Variants in ZFP28 observed in about 807,000 individuals in gnomAD.
The protein encoded by ZFP28 is ZFP28 zinc finger protein.
ZFP28 carries 31 observed loss-of-function variants against 39.5 expected under a neutral mutation model. The ratio of observed to expected loss-of-function variants is 0.79; its 90% CI spans 0.59 to 1.06. The LOEUF (loss-of-function observed/expected upper bound fraction) is 1.06, where lower values mean the gene tolerates loss of function less well. Among genes scored for constraint, ZFP28 ranks in the 50% least tolerant of loss-of-function variants. The pLI, the probability that ZFP28 is intolerant of heterozygous loss-of-function variation, is 0.00. For synonymous variants in ZFP28, 400 were observed against 378.6 expected, an observed-to-expected ratio of 1.06 and a Z score of -0.66; for missense variants, 925 against 1,048.4, an observed-to-expected ratio of 0.88 and a Z score of 1.63.
At chr19:56,549,996 G>A (rs1422154772) in intron 5 of ZFP28, 71 bp from the exon 6 acceptor site, 4 of 1,294,526 alleles carry the variant, frequency 3.1e-6, no homozygotes, top group East Asian at 2.5e-5. Context: ...TGTGGACACA[G>A]TCCATCCCAC....
Position 56,551,526 on chromosome 19 carries a change from T to C in ZFP28, c.898+921T>C, listed in dbSNP as rs947183058. 5 of 984,878 alleles carry C rather than the reference T, an allele frequency of 5.1e-6. No homozygotes were observed. In the African/African-American group the frequency reaches 8.7e-5, roughly 17 times the overall value. 61.0% of individuals were successfully genotyped at this position (984,878 alleles called of 1,614,324 possible). On this transcript the variant is annotated intron_variant, in intron 7 of 7. Transcript: ENST00000301318. ...CTTAGTATTAAAGATACAATTATAA[T>C]AGATTTTTTTCAAGTTAAGTGAAAA...
rs903847504 is a variant in ZFP28 at position 56,539,655 on chromosome 19, A to T, written c.239A>T (p.Gln80Leu). ...ALPSRDTALP[Q>L]ERNKKLEAVG... ...CCTTCCAGGGACACTGCTCTTCCCC[A>T]GGAGAGAAACAAGAAGCTGGAGGCT... is the stretch of plus-strand genomic sequence containing the variant. The change falls in exon 2 of 8, where the codon CAG becomes CTG. Residue 80 changes from glutamine (Q) to leucine (L), a missense_variant. Gln to Leu is a moderately radical substitution (Grantham distance 113, BLOSUM62 -2). Transcript: ENST00000301318. 1 of 1,614,070 alleles carries T rather than the reference A, an allele frequency of 6.2e-7. No individual in the cohort carries two copies.
Position 56,548,879 on chromosome 19 carries a change from A to G in ZFP28, c.524-79A>G, listed in dbSNP as rs138355015. On this transcript the variant is annotated intron_variant, in intron 4 of 7. Coordinates refer to ENST00000301318, the MANE Select transcript of ZFP28 (RefSeq NM_020828.2). ...ACTATATGCTTTTTTGTGGCTTTTAATTTAACGGTTGCATTTTGGAATTTT... is the reference window on the plus strand; with the variant it reads ...ACTATATGCTTTTTTGTGGCTTTTAGTTTAACGGTTGCATTTTGGAATTTT... 3.7e-5 allele frequency: 52 copies of G among 1,405,608 alleles called. 1 individual carries two copies. The African/African-American group carries it at 5.1e-4, about 14-fold the overall frequency. The allele number at this position is 1,405,608 out of a possible 1,614,324, so 87.1% of individuals were successfully genotyped here. A position where few individuals can be genotyped will look rare whatever the true frequency, so the allele number is the denominator to read the frequency against.
rs2044251566 is a variant in ZFP28 at position 56,547,425 on chromosome 19, G to A, written c.301-83G>A. On this transcript the variant is annotated intron_variant, in intron 2 of 7. Coordinates refer to ENST00000301318, the MANE Select transcript of ZFP28 (RefSeq NM_020828.2). This position sits in a 1 kb window ranked among gnomAD's most constrained non-coding sequence, Gnocchi z 4.6. The stretch of plus-strand genomic sequence containing the variant: ...GTTTAATGTAGGAGTTTTGTCAGGG[G>A]ACACATTTCTTTCTATAACAAACCC... 1.9e-6 allele frequency: 3 copies of A among 1,598,192 alleles called. No individual in the cohort carries two copies. In the African/African-American group the frequency reaches 4.0e-5, roughly 21 times the overall value.
At chr19:56,542,050 A>G (rs560207081) in intron 2 of ZFP28, among the ~76,000 whole-genome samples, 1 of 152,034 alleles carries the variant, frequency 6.6e-6, no homozygotes, top group African/African-American at 2.4e-5. Context: ...TCAACATACT[A>G]TATACAGAAA....
chr19:56,538,759 C>G (rs1371478773), upstream of ZFP28, among the ~76,000 whole-genome samples: 2 of 124,020 alleles, frequency 1.6e-5, no homozygotes, highest in Non-Finnish European at 3.3e-5. Flanking sequence ...CCGGGCTTCT[C>G]TAGGCTGAGG....
chr19:56,552,523 A>G (rs766447491), intron 7 of ZFP28: 8 of 152,064 alleles, frequency 5.3e-5, no homozygotes, highest in African/African-American at 9.7e-5. Context: ...TCACATTTCT[A>G]TTGGGTTGTA....
At chr19:56,542,984 A>G (rs868396685) in intron 2 of ZFP28, among the ~76,000 whole-genome samples, 2 of 152,244 alleles carry the variant, frequency 1.3e-5, no homozygotes, top group African/African-American at 4.8e-5. Context: ...CTCATGGATT[A>G]AGGTTTCCTA....
At chr19:56,539,986 C>CT (rs1568483382) in intron 2 of ZFP28, among the ~76,000 whole-genome samples, 1 of 152,144 alleles carries the variant, frequency 6.6e-6, no homozygotes, top group East Asian at 1.9e-4. Flanking sequence ...CAGAGGGACT[C>CT]TGATGGAGGA....
Position 56,549,082 on chromosome 19 carries a change from G to A in ZFP28, c.648G>A (p.Gly216=). The stretch of plus-strand genomic sequence containing the variant: ...ATAATCTGGAGTACTCTCTGTTAGG[G>A]GAACACTGGGATTATGATGCTCTGT... ...TSYNLEYSLL[G]EHWDYDALFE... Residue 216 remains glycine (G), a synonymous_variant, in exon 5 of 8, where the codon GGG becomes GGA. Transcript: ENST00000301318. The A allele has an allele frequency of 6.2e-7, 1 of 1,612,982 alleles. No homozygotes were observed. The highest frequency in any genetic ancestry group is 2.2e-5 in the East Asian group (1 of 44,822).
At chr19:56,544,531 T>C (rs1358304791) in intron 2 of ZFP28, 1 of 152,236 alleles carries the variant, frequency 6.6e-6, no homozygotes, top group Non-Finnish European at 1.5e-5. Context: ...TCTGGCTCTT[T>C]ACAGAAAAAC....
At chr19:56,538,807 CGG>C (rs1568482546), upstream of ZFP28, 56 of 29,312 alleles carry the variant, frequency 1.9e-3, 1 homozygote, top group Admixed American at 0.011. Context: ...CGGGGCGGGG[CGG>C]GGCGGGGCGG....
intron 7 of ZFP28, chr19:56,551,414 TAC>T: frequency 3.0e-6 from 3 of 985,654 alleles, no homozygotes; most frequent in Non-Finnish European, 3.6e-6. Context: ...TAGTAGAAAT[TAC>T]AGTGTATATT....
Position 56,547,870 on chromosome 19 carries a change from T to C in ZFP28, c.491T>C (p.Val164Ala). 3.1e-6 allele frequency: 5 copies of C among 1,614,120 alleles called. No homozygotes were observed. Among genetic ancestry groups the C allele is most frequent in the Non-Finnish European group, 4.2e-6 (5 of 1,180,002 alleles). Residue 164 changes from valine (V) to alanine (A), a missense_variant, in exon 4 of 8, where the codon GTG (valine) becomes GCG (alanine). Coordinates refer to ENST00000301318, the MANE Select transcript of ZFP28 (RefSeq NM_020828.2). This position sits in a 1 kb window ranked among gnomAD's most constrained non-coding sequence, Gnocchi z 4.6. ...GAACAAGGAAAAGAGCCTTGGACAG[T>C]GAAGCGAAAGATGACAAGAGCCTGG... is the stretch of plus-strand genomic sequence containing the variant. The part of the protein sequence containing the change: ...SLEQGKEPWT[V>A]KRKMTRAWCP...
chr19:56,554,254 C>T lies in ZFP28; in HGVS notation c.1469C>T (p.Ser490Phe). Residue 490 changes from serine to phenylalanine, a missense_variant, in exon 8 of 8, where the codon TCC (serine) becomes TTC (phenylalanine). By Grantham distance (155) the Ser-to-Phe change is radical. Around this residue, in one of 2 missense-constraint regions of ZFP28, gnomAD observed 369 missense variants for 505.5 expected, o/e 0.73. Transcript: ENST00000301318. The surrounding 1 kb of genome is among the most constrained non-coding windows in gnomAD (Gnocchi z 6.7). ...ECGKAFIQNT[S>F]LIRHWRYYHT... ...GGGAAAGCTTTCATACAGAACACAT[C>T]CCTTATCCGTCACTGGAGATACTAT... 2 of 1,614,144 alleles carry T rather than the reference C, an allele frequency of 1.2e-6. No homozygotes were observed. The highest frequency in any genetic ancestry group is 1.7e-6 in the Non-Finnish European group (2 of 1,180,020).
chr19:56,540,923 C>T (rs375154649), intron 2 of ZFP28, among the ~76,000 whole-genome samples: 4 of 152,196 alleles, frequency 2.6e-5, no homozygotes, highest in South Asian at 2.1e-4. Flanking sequence ...TTCTTACCTC[C>T]GTGACTTGAA....
At position 56,547,350 on chromosome 19, in the gene ZFP28, T is replaced by G. The variant is rs2044251090; in HGVS notation, c.301-158T>G. 4 of 1,070,856 alleles carry G rather than the reference T, an allele frequency of 3.7e-6. No homozygotes were observed. Among genetic ancestry groups the G allele is most frequent in the East Asian group, 2.5e-5 (1 of 39,272 alleles). 66.3% of individuals were successfully genotyped at this position (1,070,856 alleles called of 1,614,324 possible). A position where few individuals can be genotyped will look rare whatever the true frequency, so the allele number is the denominator to read the frequency against. On this transcript the variant is annotated intron_variant, in intron 2 of 7. Coordinates refer to ENST00000301318, the MANE Select transcript of ZFP28 (RefSeq NM_020828.2). This position sits in a 1 kb window ranked among gnomAD's most constrained non-coding sequence, Gnocchi z 4.6. ...TCATTTAACCCTAATTACCTCTTTG[T>G]AGGCCCTGTCTCTAAATACAGTCAC...
At position 56,547,726 on chromosome 19, in the gene ZFP28, C is replaced by T. The variant is rs2044255632; in HGVS notation, c.428-81C>T. The T allele has an allele frequency of 6.3e-7, 1 of 1,597,648 alleles. No individual in the cohort carries two copies. The highest frequency in any genetic ancestry group is 8.6e-7 in the Non-Finnish European group (1 of 1,169,556). ...GCCTTTATCACCCAGACCTGCACTGCCCTCTTGCGTCAAGCCAAGGGGACT... is the reference window on the plus strand; with the variant it reads ...GCCTTTATCACCCAGACCTGCACTGTCCTCTTGCGTCAAGCCAAGGGGACT... On this transcript the variant is annotated intron_variant, in intron 3 of 7. Coordinates refer to ENST00000301318, the MANE Select transcript of ZFP28 (RefSeq NM_020828.2). The surrounding 1 kb of genome is among the most constrained non-coding windows in gnomAD (Gnocchi z 4.6).
At chr19:56,549,413 C>T (rs2044273547) in intron 5 of ZFP28, among the ~76,000 whole-genome samples, 1 of 152,050 alleles carries the variant, frequency 6.6e-6, no homozygotes. Flanking sequence ...CGCGGTGGCT[C>T]ACGCCTGTAA....
Sources: allele counts gnomAD v4.1 joint callset (sites outside exome capture counted in the v4.1 genomes callset), GRCh38; gene constraint gnomAD v4.1.1; regional missense constraint gnomAD v4.1.1; non-coding constraint Gnocchi (gnomAD v3.1); transcripts MANE v1.5; gene names NCBI Gene and HGNC (gene_info 2026-07-23, HGNC 2026-07-21).